The following SYNRG variants were observed in gnomAD, a reference collection of about 807,000 sequenced individuals.
SYNRG encodes the protein synergin gamma.
In SYNRG, 37 loss-of-function variants were observed where a neutral mutation model predicts 130.9. The observed-to-expected ratio is 0.28, with a 90% CI of 0.22 to 0.37. The LOEUF (loss-of-function observed/expected upper bound fraction) is 0.37, where lower values mean the gene tolerates loss of function less well. Ranked by LOEUF, SYNRG falls within the 10% of genes least tolerant of loss-of-function variation. SYNRG has a pLI of 1.00. For missense variants in SYNRG, 1,338 were observed against 1,588.9 expected, an observed-to-expected ratio of 0.84 and a Z score of 2.68; for synonymous variants, 539 against 568.1, an observed-to-expected ratio of 0.95 and a Z score of 0.73.
chr17:37,553,638 C>T lies in SYNRG; in HGVS notation c.2085G>A (p.Met695Ile), dbSNP rs748984124. 6.2e-7 allele frequency: 1 copy of T among 1,613,924 alleles called. No homozygotes were observed. The highest frequency in any genetic ancestry group is 1.1e-5 in the South Asian group (1 of 91,022). Residue 695 changes from methionine to isoleucine, a missense_variant, in exon 14 of 22, where the codon ATG (methionine) becomes ATA (isoleucine). Coordinates refer to ENST00000612223, the MANE Select transcript of SYNRG (RefSeq NM_007247.6). ...VGEQDDFADF[M>I]AFSNSSISSE... ...ATGAAATAGAGCTATTACTGAAAGC[C>T]ATAAAATCTGCAAAGTCATCCTGCT...
intron 11 of SYNRG, 72 bp from the exon 12 acceptor site, chr17:37,561,661 A>C: frequency 1.8e-6 from 2 of 1,139,542 alleles, no homozygotes; most frequent in Non-Finnish European, 2.6e-6. Context: ...AGTTAGAATT[A>C]AAATGGCAAA....
At chr17:37,577,980 G>T (rs556926307) in intron 6 of SYNRG, among the ~76,000 whole-genome samples, 1 of 151,366 alleles carries the variant, frequency 6.6e-6, no homozygotes, top group East Asian at 2.0e-4. Flanking sequence ...GATTACAGAA[G>T]TGAGCCACGG....
Position 37,553,781 on chromosome 17 carries a change from A to C in SYNRG, c.1942T>G (p.Ser648Ala). Residue 648 changes from serine to alanine, a missense_variant, in exon 14 of 22, where the codon TCA (serine) becomes GCA (alanine). Physicochemically the swap from Ser to Ala is moderately conservative, Grantham distance 99. Coordinates refer to ENST00000612223, the MANE Select transcript of SYNRG (RefSeq NM_007247.6). Reference sequence around the variant, plus strand: ...GTCATAGTAGCAGCAGAACCTGTTGACTGTGGTGTAGAAACTGATTTTGAT... The same window carrying C: ...GTCATAGTAGCAGCAGAACCTGTTGCCTGTGGTGTAGAAACTGATTTTGAT... ...STSKSVSTPQ[S>A]TGSAATMTAL... The C allele has an allele frequency of 1.2e-6, 2 of 1,612,520 alleles. No homozygotes were observed. The highest frequency in any genetic ancestry group is 2.2e-5 in the East Asian group (1 of 44,886).
intron 3 of SYNRG, 148 bp downstream of exon 3, chr17:37,596,075 G>A: frequency 1.1e-6 from 1 of 906,614 alleles, no homozygotes; most frequent in Non-Finnish European, 1.6e-6. Context: ...CTCTTGGAGG[G>A]TGAACACATC....
chr17:37,570,673 A>C lies in SYNRG; in HGVS notation c.1311T>G (p.Ala437=). The part of the protein sequence containing the change: ...VGPVGGAAAQ[A]SSGFIPTYPA... ...GGTAGGTTGGTATGAAACCACTAGA[A>C]GCCTGGGCTGCAGCTCCACCCACTG... The change falls in exon 10 of 22, where the codon GCT becomes GCG. Residue 437 remains alanine, a synonymous_variant. Transcript: ENST00000612223. 6.2e-7 allele frequency: 1 copy of C among 1,614,178 alleles called. No individual in the cohort carries two copies. Among genetic ancestry groups the C allele is most frequent in the Non-Finnish European group, 8.5e-7 (1 of 1,180,032 alleles).
Position 37,561,516 on chromosome 17 carries a change from C to T in SYNRG, c.1555G>A (p.Gly519Arg), listed in dbSNP as rs1477702396. 2 of 1,613,810 alleles carry T rather than the reference C, an allele frequency of 1.2e-6. No homozygotes were observed. Among genetic ancestry groups the T allele is most frequent in the Non-Finnish European group, 1.7e-6 (2 of 1,179,796 alleles). The change falls in exon 12 of 22, where the codon GGA (glycine) becomes AGA (arginine). Residue 519 changes from glycine to arginine, a missense_variant. This residue lies in a region of SYNRG where 1,146 missense variants were observed against 1,342.3 expected (regional missense o/e 0.85). Transcript: ENST00000612223. ...TCAGAGGACTTGTCAGCTGCAATTC[C>T]TTTAAACACAGCATATTTGTCCATT... ...PSMDKYAVFK[G>R]IAADKSSENT...
At chr17:37,522,266 C>T (rs1250629838) in intron 19 of SYNRG, among the ~76,000 whole-genome samples, 2 of 151,902 alleles carry the variant, frequency 1.3e-5, no homozygotes, top group Admixed American at 1.3e-4. Context: ...AATTCCTGGG[C>T]TCAAGAGATC....
chr17:37,532,544 G>A (rs374633794), intron 19 of SYNRG, among the ~76,000 whole-genome samples: 4 of 151,778 alleles, frequency 2.6e-5, no homozygotes, highest in Admixed American at 2.6e-4. Context: ...GTGGTGGCAC[G>A]CACCTGTAAT....
intron 11 of SYNRG, among the ~76,000 whole-genome samples, chr17:37,565,744 T>C (rs1374129570): frequency 6.7e-6 from 1 of 149,342 alleles, no homozygotes; most frequent in Non-Finnish European, 1.5e-5. Context: ...CGACCCTGTC[T>C]GGGAGGTGAG....
rs775106076 is a variant in SYNRG at position 37,520,547 on chromosome 17, C to A, written c.3768G>T (p.Ser1256=). 1 of 1,614,092 alleles carries A rather than the reference C, an allele frequency of 6.2e-7. No homozygotes were observed. Among genetic ancestry groups the A allele is most frequent in the Admixed American group, 1.7e-5 (1 of 60,012 alleles). The change falls in exon 20 of 22, where the codon TCG becomes TCT. Residue 1256 remains serine, a synonymous_variant. Coordinates refer to ENST00000612223, the MANE Select transcript of SYNRG (RefSeq NM_007247.6). ...ACGVCLLNVD[S]RSRKEEKPAE... is the part of the protein sequence containing the mutation. ...AGGCTGCGTGACTTACCCGGCTCCT[C>A]GAGTCCACATTCAAGAGGCACACTC...
rs890401460 is a variant in SYNRG at position 37,517,672 on chromosome 17, T to C, written c.*1268A>G. 6.6e-6 allele frequency: 1 copy of C among 152,084 alleles called. No individual in the cohort carries two copies. Among genetic ancestry groups the C allele is most frequent in the African/African-American group, 2.4e-5 (1 of 41,406 alleles). 9.4% of individuals were successfully genotyped at this position (152,084 alleles called of 1,614,324 possible). On this transcript the variant is annotated 3_prime_UTR_variant, in exon 22 of 22. Coordinates refer to ENST00000612223, the MANE Select transcript of SYNRG (RefSeq NM_007247.6). ...ATATAGACAAGACCAACTTTTTCAG[T>C]TTAAAAATAAAAGTCTAGGTCAGAG...
chr17:37,556,492 A>G (rs913926254), intron 13 of SYNRG, among the ~76,000 whole-genome samples: 1 of 151,422 alleles, frequency 6.6e-6, no homozygotes, highest in Non-Finnish European at 1.5e-5. Context: ...AAATAAATTT[A>G]AAAAATAAAA....
At chr17:37,565,983 G>A (rs1167664408) in intron 11 of SYNRG, among the ~76,000 whole-genome samples, 10 of 149,402 alleles carry the variant, frequency 6.7e-5, no homozygotes, top group Non-Finnish European at 1.2e-4. Context: ...CCCCCTGCCC[G>A]GCCAGCCGCC....
chr17:37,556,370 G>C (rs2059121120), intron 13 of SYNRG, among the ~76,000 whole-genome samples: 1 of 152,018 alleles, frequency 6.6e-6, no homozygotes, highest in African/African-American at 2.4e-5. Context: ...AGAATCGCTT[G>C]AACCCTGGAG....
At chr17:37,523,146 T>A (rs2055356953) in intron 19 of SYNRG, among the ~76,000 whole-genome samples, 1 of 152,076 alleles carries the variant, frequency 6.6e-6, no homozygotes, top group Non-Finnish European at 1.5e-5. Context: ...TAACTGCAAG[T>A]TTATATCATT....
intron 14 of SYNRG, among the ~76,000 whole-genome samples, chr17:37,547,817 C>T (rs779167972): frequency 2.0e-5 from 3 of 152,148 alleles, no homozygotes; most frequent in Non-Finnish European, 2.9e-5. Context: ...AACAGAGTGA[C>T]TATAGAACAA....
chr17:37,529,823 G>T, intron 19 of SYNRG: 1 of 1,551,530 alleles, frequency 6.4e-7, no homozygotes, highest in Non-Finnish European at 8.7e-7. Context: ...GAGATGCTTT[G>T]TAATCACAGT....
intron 15 of SYNRG, 142 bp from the exon 16 acceptor site, chr17:37,540,685 A>C: frequency 1.1e-6 from 1 of 940,510 alleles, no homozygotes; most frequent in Non-Finnish European, 1.5e-6. Context: ...CTCAGACTGG[A>C]GTACGGTGGT....
intron 19 of SYNRG, among the ~76,000 whole-genome samples, chr17:37,530,275 T>C (rs142569346): frequency 1.3e-5 from 2 of 152,350 alleles, no homozygotes; most frequent in African/African-American, 2.4e-5. Context: ...TTTCTTCATC[T>C]GTAAACGGGG....
Sources: gnomAD v4.1 joint callset for allele counts (sites outside exome capture counted in the v4.1 genomes callset) on GRCh38, gnomAD v4.1.1 for gene constraint, gnomAD v4.1.1 regional missense constraint, MANE v1.5 for transcripts, NCBI Gene and HGNC (gene_info 2026-07-23, HGNC 2026-07-21) for gene names.